Variants in SLC37A3 observed in about 807,000 individuals in gnomAD.
SLC37A3 encodes the protein solute carrier family 37 member 3, also known as sugar phosphate exchanger 3.
In SLC37A3, 51 loss-of-function variants were observed where a neutral mutation model predicts 67.1. The observed-to-expected ratio is 0.76, with a 90% CI of 0.61 to 0.96. SLC37A3 has a LOEUF of 0.96. Ranked by LOEUF, SLC37A3 falls within the 40% of genes least tolerant of loss-of-function variation. The pLI is 0.00. For missense variants in SLC37A3, 508 were observed against 603.0 expected, an observed-to-expected ratio of 0.84 and a Z score of 1.65; for synonymous variants, 214 against 231.4, an observed-to-expected ratio of 0.92 and a Z score of 0.68.
intron 12 of SLC37A3, among the ~76,000 whole-genome samples, chr7:140,344,616 C>T (rs1796482663): frequency 6.6e-6 from 1 of 151,910 alleles, no homozygotes; most frequent in African/African-American, 2.4e-5. Context: ...ATTAGCTGGG[C>T]GTGGTGGTGC....
intron 13 of SLC37A3, among the ~76,000 whole-genome samples, chr7:140,342,930 C>T (rs978365671): frequency 6.6e-6 from 1 of 152,186 alleles, no homozygotes; most frequent in Non-Finnish European, 1.5e-5. Flanking sequence ...ACACAGGAAG[C>T]AGAGCGAGTG....
At position 140,335,447 on chromosome 7, in the gene SLC37A3, CGA is replaced by C; in HGVS notation, c.1448_1449del (p.Leu483ArgfsTer62). On this transcript the variant is annotated frameshift_variant, in exon 15 of 15. Coordinates refer to ENST00000326232, the MANE Select transcript of SLC37A3 (RefSeq NM_207113.3). LOFTEE classifies it high-confidence loss of function. ...AATATGTGAGCCTGTCTCCTTAGCA[CGA>C]GAGAGAATATTTCCCTCACTATTAA... Reference protein sequence around the residue: ...SPLIVREIFSLVLRRQAHILR... With the variant: ...SPLIVREIFSXVLRRQAHILR... 1 of 1,614,126 alleles carries C rather than the reference CGA, an allele frequency of 6.2e-7. No individual in the cohort carries two copies. Among genetic ancestry groups the C allele is most frequent in the Non-Finnish European group, 8.5e-7 (1 of 1,180,016 alleles).
intron 1 of SLC37A3, among the ~76,000 whole-genome samples, chr7:140,394,914 A>C (rs559670692): frequency 9.9e-5 from 15 of 151,550 alleles, no homozygotes; most frequent in Non-Finnish European, 2.2e-4. Flanking sequence ...GCCCTCATAA[A>C]ATTTTTTAAA....
At chr7:140,347,759 A>C (rs77959644) in intron 10 of SLC37A3, among the ~76,000 whole-genome samples, 1 of 51,890 alleles carries the variant, frequency 1.9e-5, no homozygotes, top group African/African-American at 1.3e-4. Flanking sequence ...TAGCTACAGC[A>C]AAAAAAAAAA....
chr7:140,362,069 G>A (rs543542703), intron 5 of SLC37A3, among the ~76,000 whole-genome samples: 2 of 118,186 alleles, frequency 1.7e-5, no homozygotes, highest in African/African-American at 6.4e-5. Context: ...AGTGAGGAGC[G>A]TCTCTGCCCG....
intron 5 of SLC37A3, among the ~76,000 whole-genome samples, chr7:140,360,933 G>C (rs948367007): frequency 6.6e-6 from 1 of 151,894 alleles, no homozygotes; most frequent in African/African-American, 2.4e-5. Context: ...CTTGTCTAGG[G>C]AATCTGTGAT....
intron 10 of SLC37A3, among the ~76,000 whole-genome samples, chr7:140,346,570 T>G (rs949765283): frequency 6.6e-6 from 1 of 152,214 alleles, no homozygotes; most frequent in South Asian, 2.1e-4. Flanking sequence ...AATGCTATTT[T>G]TGATTTTTCT....
intron 3 of SLC37A3, among the ~76,000 whole-genome samples, chr7:140,370,904 C>T (rs1385500180): frequency 1.3e-5 from 2 of 152,310 alleles, no homozygotes; most frequent in South Asian, 2.1e-4. Context: ...TACTTCTCAA[C>T]TTCTTCATAG....
At chr7:140,352,297 C>T (rs1003242762) in intron 7 of SLC37A3, 151 bp from the exon 8 acceptor site, 4 of 652,304 alleles carry the variant, frequency 6.1e-6, no homozygotes, top group African/African-American at 3.6e-5. Context: ...TCTACTGGGC[C>T]GGGCGCCATG....
At position 140,351,420 on chromosome 7, in the gene SLC37A3, A is replaced by T. The variant is rs773452753; in HGVS notation, c.735T>A (p.Phe245Leu). 1 of 1,614,156 alleles carries T rather than the reference A, an allele frequency of 6.2e-7. No homozygotes were observed. Residue 245 changes from phenylalanine (F) to leucine (L), a missense_variant, in exon 9 of 15, where the codon TTT (phenylalanine) becomes TTA (leucine). Physicochemically the swap from Phe to Leu is conservative, Grantham distance 22. Coordinates refer to ENST00000326232, the MANE Select transcript of SLC37A3 (RefSeq NM_207113.3). ...TTAATGGCCTGTGTGAGTCTTCTTC[A>T]AAGTTTTCTTCTGCCTCAATACCCG... ...GLSGIEAEEN[F>L]EEDSHRPLIN... is the part of the protein sequence containing the mutation.
intron 9 of SLC37A3, among the ~76,000 whole-genome samples, chr7:140,350,446 G>A (rs1017494639): frequency 1.3e-5 from 2 of 152,300 alleles, no homozygotes; most frequent in Non-Finnish European, 2.9e-5. Context: ...AAGAAAGACT[G>A]TGGAGTGCTC....
chr7:140,334,572 A>G lies in SLC37A3; in HGVS notation c.*840T>C, dbSNP rs1430608258. ...AGGATCCTAAGTTCCCAGACAACAA[A>G]TCTGGGATGGAGTGCTTCGGCTGTG... On this transcript the variant is annotated 3_prime_UTR_variant, in exon 15 of 15. Transcript: ENST00000326232. 1 of 152,618 alleles carries G rather than the reference A, an allele frequency of 6.6e-6. No homozygotes were observed. The highest frequency in any genetic ancestry group is 1.5e-5 in the Non-Finnish European group (1 of 68,036). 9.5% of individuals were successfully genotyped at this position (152,618 alleles called of 1,614,324 possible). A position where few individuals can be genotyped will look rare whatever the true frequency, so the allele number is the denominator to read the frequency against.
chr7:140,361,628 C>T (rs1212123869), intron 5 of SLC37A3, among the ~76,000 whole-genome samples: 1 of 148,450 alleles, frequency 6.7e-6, no homozygotes, highest in African/African-American at 2.5e-5. Context: ...GCTGCCATCT[C>T]GGCTCACTGC....
rs144722203 is a variant in SLC37A3 at position 140,376,057 on chromosome 7, T to A, written c.198+4225A>T. 1.3e-4 allele frequency among the ~76,000 whole-genome samples: 20 copies of A among 151,716 alleles called. No homozygotes were observed. The East Asian group carries it at 2.9e-3, about 22-fold the overall frequency. On this transcript the variant is annotated intron_variant, in intron 3 of 14. Transcript: ENST00000326232. Reference sequence around the variant, plus strand: ...AGGAACTTAAGCAGCTGCTCAAAGTTGTAGGTTTCCTTTACTCCTCCAAGA... The same window carrying A: ...AGGAACTTAAGCAGCTGCTCAAAGTAGTAGGTTTCCTTTACTCCTCCAAGA...
At chr7:140,339,216 A>G (rs1336713234) in intron 13 of SLC37A3, among the ~76,000 whole-genome samples, 1 of 151,620 alleles carries the variant, frequency 6.6e-6, no homozygotes, top group East Asian at 1.9e-4. Flanking sequence ...GCTACTATGA[A>G]TAATACTGCA....
At chr7:140,363,713 T>TA (rs575127857) in intron 5 of SLC37A3, among the ~76,000 whole-genome samples, 414 of 27,930 alleles carry the variant, frequency 0.015, 4 homozygotes, top group South Asian at 0.05. Flanking sequence ...AATAAAAAAA[T>TA]AAAAAAAAAA....
At chr7:140,369,338 G>A (rs1352213226) in intron 4 of SLC37A3, among the ~76,000 whole-genome samples, 3 of 152,078 alleles carry the variant, frequency 2.0e-5, no homozygotes, top group Non-Finnish European at 4.4e-5. Flanking sequence ...CTAACTCCAA[G>A]AATACAGGTC....
In SLC37A3 at chr7:140,372,179, G is replaced by GGCT. The variant is rs1563039389; in HGVS notation, c.199-2500_199-2498dup. Reference sequence around the variant, plus strand: ...TTACAGAACTTTCAAAAATGTAATGGGCTGCTTCACAGTGTAGTGAATTTC... The same window carrying GGCT: ...TTACAGAACTTTCAAAAATGTAATGGGCTGCTGCTTCACAGTGTAGTGAATTTC... On this transcript the variant is annotated intron_variant, in intron 3 of 14. Transcript: ENST00000326232. Among the ~76,000 whole-genome samples the GGCT allele has an allele frequency of 2.0e-5, 3 of 152,212 alleles. No individual in the cohort carries two copies. The South Asian group carries it at 6.2e-4, about 32-fold the overall frequency.
At chr7:140,348,462 C>CTTTTTTTTTTTTTTT (rs66700092) in intron 10 of SLC37A3, 164 bp downstream of exon 10, 1 of 350,168 alleles carries the variant, frequency 2.9e-6, no homozygotes. Flanking sequence ...CTTTTCTTTT[C>CTTTTTTTTTTTTTTT]TTTTTTTTTT....
Sources: gnomAD v4.1 joint callset for allele counts (sites outside exome capture counted in the v4.1 genomes callset) on GRCh38, gnomAD v4.1.1 for gene constraint, MANE v1.5 for transcripts, NCBI Gene and HGNC (gene_info 2026-07-23, HGNC 2026-07-21) for gene names.